Variants in FAT3 observed in about 807,000 individuals in gnomAD.
The protein encoded by FAT3 is FAT atypical cadherin 3, also known as protocadherin Fat 3.
FAT3 carries 95 observed loss-of-function variants against 310.2 expected under a neutral mutation model. That is an observed-to-expected ratio of 0.31 (90% confidence interval 0.26 to 0.36). The LOEUF (loss-of-function observed/expected upper bound fraction) is 0.36. FAT3 is among the 10% of genes least tolerant of loss of function. The pLI, the probability that FAT3 is intolerant of heterozygous loss-of-function variation, is 1.00. For synonymous variants in FAT3, 2,314 were observed against 2,192.9 expected (o/e 1.06, Z -1.54); for missense variants, 5,408 against 5,715.6 (o/e 0.95, Z 1.74).
rs1252943051 is a variant in FAT3 at position 92,401,296 on chromosome 11, C to T, written c.3292+45892C>T. ...TTTCCCCCTGGAACTCTACCAGGTG[C>T]TCAGTAAGAGGACCCTCATGGCTCT... is the stretch of plus-strand genomic sequence containing the variant. On this transcript the variant is annotated intron_variant, in intron 2 of 27. Coordinates refer to ENST00000525166, the MANE Select transcript of FAT3 (RefSeq NM_001367949.2). Among the ~76,000 whole-genome samples the T allele has an allele frequency of 2.6e-5, 4 of 152,118 alleles. No homozygotes were observed. In the East Asian group the frequency reaches 7.7e-4, roughly 29 times the overall value.
chr11:92,289,405 T>C (rs1946637049), intron 1 of FAT3, among the ~76,000 whole-genome samples: 2 of 151,790 alleles, frequency 1.3e-5, no homozygotes, highest in Non-Finnish European at 2.9e-5. Context: ...GATGTCCAGT[T>C]CTTTACCCCA....
At chr11:92,606,524 C>T (rs1792348) in intron 3 of FAT3, among the ~76,000 whole-genome samples, 4 of 152,124 alleles carry the variant, frequency 2.6e-5, no homozygotes, top group African/African-American at 7.2e-5. Context: ...TCCAGCTCAC[C>T]GATTAGCAAA....
intron 2 of FAT3, among the ~76,000 whole-genome samples, chr11:92,484,573 G>A (rs1952321023): frequency 6.6e-6 from 1 of 152,166 alleles, no homozygotes. Flanking sequence ...AGGCAAAACA[G>A]AGCTTTAAAA....
At chr11:92,421,520 A>G (rs1247752124) in intron 2 of FAT3, among the ~76,000 whole-genome samples, 1 of 152,218 alleles carries the variant, frequency 6.6e-6, no homozygotes, top group Non-Finnish European at 1.5e-5. Flanking sequence ...GACCGTGTGT[A>G]TGGTAATTGA....
rs143716606 is a variant in FAT3, at chr11:92,728,910, C to G, written c.3669+31465C>G. 5.5e-3 allele frequency among the ~76,000 whole-genome samples: 841 copies of G among 152,294 alleles called. 5 individuals carry two copies. The highest frequency in any genetic ancestry group is 7.9e-3 in the Non-Finnish European group (538 of 68,024). The stretch of plus-strand genomic sequence containing the variant: ...CCAGGTTAATCCAGGATGATCTCCT[C>G]ATCTCAAGATCCTTAACTTAATCGC... On this transcript the variant is annotated intron_variant, in intron 4 of 27. Transcript: ENST00000525166.
chr11:92,287,812 G>C (rs1404682401), intron 1 of FAT3, among the ~76,000 whole-genome samples: 1 of 152,094 alleles, frequency 6.6e-6, no homozygotes, highest in Non-Finnish European at 1.5e-5. Context: ...AGTGCCAGAG[G>C]TTCCCAGGTA....
chr11:92,665,623 G>T (rs1164182327), intron 3 of FAT3, among the ~76,000 whole-genome samples: 3 of 152,184 alleles, frequency 2.0e-5, no homozygotes, highest in Non-Finnish European at 4.4e-5. Context: ...AATGACCACA[G>T]ATCAGTCACA....
intron 2 of FAT3, among the ~76,000 whole-genome samples, chr11:92,454,508 C>G (rs1014383415): frequency 1.3e-5 from 2 of 152,172 alleles, no homozygotes; most frequent in African/African-American, 4.8e-5. Context: ...TCATCCCACT[C>G]CATTGTCAAG....
intron 22 of FAT3, among the ~76,000 whole-genome samples, chr11:92,880,260 G>T (rs928406431): frequency 2.0e-5 from 3 of 149,250 alleles, no homozygotes; most frequent in African/African-American, 7.5e-5. Flanking sequence ...CCTTTTACCT[G>T]CTCTCCCCTC....
chr11:92,354,768 G>A lies in FAT3; in HGVS notation c.2656G>A (p.Val886Ile), dbSNP rs376814803. 138 of 1,613,776 alleles carry A rather than the reference G, an allele frequency of 8.6e-5. No homozygotes were observed. Among genetic ancestry groups the A allele is most frequent in the Admixed American group, 5.0e-4 (30 of 59,942 alleles). The stretch of plus-strand genomic sequence containing the variant: ...TGCCATCAATAGCTCAACTGGAATC[G>A]TTTATGTAGCCGACCAGTTGGACCG... ...QFAINSSTGIVYVADQLDRES... is the reference protein window; with the variant it reads ...QFAINSSTGIIYVADQLDRES... Residue 886 changes from valine to isoleucine, a missense_variant, in exon 2 of 28, where the codon GTT (valine) becomes ATT (isoleucine). Physicochemically the swap from Val to Ile is conservative, Grantham distance 29. Coordinates refer to ENST00000525166, the MANE Select transcript of FAT3 (RefSeq NM_001367949.2).
intron 22 of FAT3, among the ~76,000 whole-genome samples, chr11:92,879,902 C>A (rs906859064): frequency 6.6e-6 from 1 of 151,944 alleles, no homozygotes; most frequent in Non-Finnish European, 1.5e-5. Flanking sequence ...TGTAGAACTG[C>A]CTTCCTCTTT....
rs758749657 is a variant in FAT3 at position 92,844,661 on chromosome 11, T to A, written c.11294T>A (p.Met3765Lys). 1 of 1,607,160 alleles carries A rather than the reference T, an allele frequency of 6.2e-7. No individual in the cohort carries two copies. The highest frequency in any genetic ancestry group is 8.5e-7 in the Non-Finnish European group (1 of 1,176,374). Residue 3765 changes from methionine to lysine, a missense_variant, in exon 19 of 28, where the codon ATG becomes AAG. Physicochemically the swap from Met to Lys is moderately conservative, Grantham distance 95 (BLOSUM62 -1). This residue lies in a region of FAT3 where 4,588 missense variants were observed against 4,809.8 expected (regional missense o/e 0.95). Transcript: ENST00000525166. ...TTGTCACTCGATTCCCACGCGCTCA[T>A]GACCTACAGCACGGCTCGCATCAGC... ...QGLSLDSHAL[M>K]TYSTARISFV... is the part of the protein sequence containing the mutation.
chr11:92,683,244 A>G lies in FAT3; in HGVS notation c.3608-14140A>G, dbSNP rs551963459. Among the ~76,000 whole-genome samples the G allele has an allele frequency of 1.3e-4, 20 of 152,242 alleles. 1 individual carries two copies. In the South Asian group the frequency reaches 4.1e-3, roughly 32 times the overall value. On this transcript the variant is annotated intron_variant, in intron 3 of 27. Transcript: ENST00000525166. ...TGCCCACAATGCTGTTTCATAATGTATGAAGACACTTCCACACTGAAAGTT... is the reference window on the plus strand; with the variant it reads ...TGCCCACAATGCTGTTTCATAATGTGTGAAGACACTTCCACACTGAAAGTT...
rs1949917551 is a variant in FAT3, at chr11:92,891,467, C to T, written c.*354C>T. 1 of 258,342 alleles carries T rather than the reference C, an allele frequency of 3.9e-6. No homozygotes were observed. Among genetic ancestry groups the T allele is most frequent in the Non-Finnish European group, 7.6e-6 (1 of 131,576 alleles). 16.0% of individuals were successfully genotyped at this position (258,342 alleles called of 1,614,324 possible). A position where few individuals can be genotyped will look rare whatever the true frequency, so the allele number is the denominator to read the frequency against. On this transcript the variant is annotated 3_prime_UTR_variant, in exon 28 of 28. Coordinates refer to ENST00000525166, the MANE Select transcript of FAT3 (RefSeq NM_001367949.2). ...CCTGGAAAGTGTTACAGCATCAGTC[C>T]TTGCAGTATTAAAAACTGGCAACAA...
chr11:92,658,827 G>A (rs1165903862), intron 3 of FAT3, among the ~76,000 whole-genome samples: 1 of 152,094 alleles, frequency 6.6e-6, no homozygotes, highest in Non-Finnish European at 1.5e-5. Flanking sequence ...CATCAGCTCA[G>A]CATAAGCCCT....
chr11:92,828,398 T>C lies in FAT3; in HGVS notation c.9482-3224T>C, dbSNP rs2136249820. The stretch of plus-strand genomic sequence containing the variant: ...AGGTTTAATATGCTACAAAAATATA[T>C]CCTGCTCTTTTCTTGAGAGGTAGCA... On this transcript the variant is annotated intron_variant, in intron 13 of 27. Transcript: ENST00000525166. 1.3e-5 allele frequency among the ~76,000 whole-genome samples: 2 copies of C among 152,268 alleles called. 1 individual carries two copies. Among genetic ancestry groups the C allele is most frequent in the South Asian group, 4.1e-4 (2 of 4,822 alleles).
At position 92,801,733 on chromosome 11, in the gene FAT3, C is replaced by T. The variant is rs749215492; in HGVS notation, c.8720C>T (p.Thr2907Met). ...DLGEAFSLSS[T>M]ALVSVRVTDI... is the part of the protein sequence containing the mutation. ...GGAGAGGCATTCTCTCTTTCCTCCA[C>T]GGCCTTGGTCTCTGTCAGAGTGACA... The change falls in exon 10 of 28, where the codon ACG (threonine) becomes ATG (methionine). Residue 2907 changes from threonine (T) to methionine (M), a missense_variant. By Grantham distance (81) the Thr-to-Met change is moderately conservative. Coordinates refer to ENST00000525166, the MANE Select transcript of FAT3 (RefSeq NM_001367949.2). The T allele has an allele frequency of 4.3e-5, 69 of 1,613,950 alleles. No individual in the cohort carries two copies. Among genetic ancestry groups the T allele is most frequent in the Admixed American group, 1.3e-4 (8 of 60,010 alleles).
At chr11:92,633,085 T>G (rs1262648750) in intron 3 of FAT3, among the ~76,000 whole-genome samples, 2 of 152,250 alleles carry the variant, frequency 1.3e-5, no homozygotes, top group Admixed American at 6.5e-5. Flanking sequence ...TTCTTGATTT[T>G]TCTTTTATTC....
chr11:92,483,347 A>C (rs1255050363), intron 2 of FAT3, among the ~76,000 whole-genome samples: 10 of 134,706 alleles, frequency 7.4e-5, no homozygotes, highest in Non-Finnish European at 1.6e-5. Flanking sequence ...TTTTTCTTTT[A>C]TTTTTTGAGG....
Sources: allele counts gnomAD v4.1 joint callset (sites outside exome capture counted in the v4.1 genomes callset), GRCh38; gene constraint gnomAD v4.1.1; regional missense constraint gnomAD v4.1.1; transcripts MANE v1.5; gene names NCBI Gene and HGNC (gene_info 2026-07-23, HGNC 2026-07-21).